Variants in ACTR3C observed in about 807,000 individuals in gnomAD.
ACTR3C encodes actin related protein 3C.
In ACTR3C, 18 loss-of-function variants were observed where a neutral mutation model predicts 26.3. The observed-to-expected ratio is 0.68, with a 90% CI of 0.47 to 1.01. The LOEUF (loss-of-function observed/expected upper bound fraction) is 1.01, where lower values mean the gene tolerates loss of function less well. ACTR3C is among the 50% of genes least tolerant of loss of function. The pLI is 0.00. For synonymous variants in ACTR3C, 55 were observed against 94.5 expected, an observed-to-expected ratio of 0.58 and a Z score of 2.42; for missense variants, 184 against 250.7, an observed-to-expected ratio of 0.73 and a Z score of 1.80.
At chr7:150,053,530 T>C in the ACTR3C span, among the ~76,000 whole-genome samples, 1 of 152,276 alleles carries the variant, frequency 6.6e-6, no homozygotes, top group Non-Finnish European at 1.5e-5. Context: ...GCTTGCGGTA[T>C]GGTCAGCCTT....
intron 3 of ACTR3C, among the ~76,000 whole-genome samples, chr7:150,292,332 C>CA (rs929531790): frequency 2.0e-5 from 3 of 151,264 alleles, no homozygotes; most frequent in South Asian, 2.1e-4. Flanking sequence ...ATACATTTTC[C>CA]AAAAAAAATG....
chr7:150,040,013 CA>C, the ACTR3C span, among the ~76,000 whole-genome samples: 18 of 138,852 alleles, frequency 1.3e-4, 2 homozygotes, highest in Non-Finnish European at 1.8e-4. Flanking sequence ...TCCCAAGAGC[CA>C]GGCGGGGAAG....
At chr7:150,050,127 G>A in the ACTR3C span, among the ~76,000 whole-genome samples, 3 of 152,038 alleles carry the variant, frequency 2.0e-5, no homozygotes, top group Non-Finnish European at 4.4e-5. Context: ...TCCTAACATG[G>A]ACATGAAAGA....
At chr7:150,125,325 A>G in the ACTR3C span, among the ~76,000 whole-genome samples, 13,311 of 151,036 alleles carry the variant, frequency 0.088, 792 homozygotes, top group Non-Finnish European at 0.12. Flanking sequence ...TTCCCTGTAG[A>G]CCCATAACAA....
the ACTR3C span, among the ~76,000 whole-genome samples, chr7:149,915,585 A>G: frequency 6.6e-6 from 1 of 151,980 alleles, no homozygotes; most frequent in Admixed American, 6.6e-5. Context: ...TTTAAAAGAA[A>G]TATTGAATAT....
chr7:150,023,848 C>A, the ACTR3C span, among the ~76,000 whole-genome samples: 8 of 136,916 alleles, frequency 5.8e-5, no homozygotes, highest in Non-Finnish European at 1.3e-4. Context: ...AAGTGAATAA[C>A]TGATGTATAA....
the ACTR3C span, among the ~76,000 whole-genome samples, chr7:150,011,898 G>A: frequency 2.6e-5 from 4 of 152,304 alleles, no homozygotes; most frequent in East Asian, 3.9e-4. Context: ...CTGTCTAGTT[G>A]GCGAGATGCA....
the ACTR3C span, among the ~76,000 whole-genome samples, chr7:150,191,008 C>G: frequency 1.3e-5 from 2 of 152,140 alleles, no homozygotes; most frequent in African/African-American, 4.8e-5. Flanking sequence ...CCCACCAGGT[C>G]CCTCCCACCA....
the ACTR3C span, among the ~76,000 whole-genome samples, chr7:149,900,832 A>T: frequency 6.6e-6 from 1 of 152,094 alleles, no homozygotes; most frequent in African/African-American, 2.4e-5. Context: ...GAGGAGTTTG[A>T]GACCAGCCTG....
the ACTR3C span, among the ~76,000 whole-genome samples, chr7:149,928,308 T>C: frequency 6.0e-5 from 9 of 150,200 alleles, no homozygotes; most frequent in South Asian, 1.9e-3. Context: ...GCGATCCTCC[T>C]GCCTCAGCCT....
At chr7:150,135,493 C>T in the ACTR3C span, among the ~76,000 whole-genome samples, 8 of 152,092 alleles carry the variant, frequency 5.3e-5, no homozygotes, top group East Asian at 1.4e-3. Flanking sequence ...ATTCAAATAG[C>T]AGATGCAGCT....
chr7:150,077,251 G>A, the ACTR3C span, among the ~76,000 whole-genome samples: 1 of 152,150 alleles, frequency 6.6e-6, no homozygotes, highest in African/African-American at 2.4e-5. Flanking sequence ...GATGCTGATT[G>A]TTATAGAGCA....
At chr7:150,040,381 G>C in the ACTR3C span, 5 of 148,230 alleles carry the variant, frequency 3.4e-5, no homozygotes, top group Admixed American at 2.0e-4. Flanking sequence ...CCAGGGCTGG[G>C]GCTGCCAGAA....
At chr7:150,034,694 C>T in the ACTR3C span, among the ~76,000 whole-genome samples, 3,033 of 151,706 alleles carry the variant, frequency 0.02, 87 homozygotes, top group African/African-American at 0.069. Flanking sequence ...AAGATTTGAA[C>T]TTTCTACTTG....
At chr7:149,907,883 A>G in the ACTR3C span, among the ~76,000 whole-genome samples, 1 of 152,178 alleles carries the variant, frequency 6.6e-6, no homozygotes, top group Non-Finnish European at 1.5e-5. Flanking sequence ...GTTCTGGGGC[A>G]TTCACATTAA....
the ACTR3C span, among the ~76,000 whole-genome samples, chr7:150,046,351 C>CCA: frequency 1.6e-5 from 1 of 60,906 alleles, no homozygotes; most frequent in Non-Finnish European, 4.4e-5. Flanking sequence ...CTCACCGCCC[C>CCA]CCCCCCCCCG....
chr7:150,173,486 G>C, the ACTR3C span, among the ~76,000 whole-genome samples: 10 of 148,058 alleles, frequency 6.8e-5, no homozygotes, highest in African/African-American at 2.4e-4. Flanking sequence ...CTGGGCCTGT[G>C]ATGGGAGGAA....
At chr7:150,036,464 TAGCCCCAGGGCTG>T in the ACTR3C span, among the ~76,000 whole-genome samples, 2 of 146,114 alleles carry the variant, frequency 1.4e-5, no homozygotes, top group Admixed American at 6.7e-5. Context: ...TCAGATCGGG[TAGCCCCAGGGCTG>T]GGGCTGCCAG....
At chr7:150,035,655 G>T in the ACTR3C span, among the ~76,000 whole-genome samples, 2 of 130,508 alleles carry the variant, frequency 1.5e-5, no homozygotes, top group Non-Finnish European at 3.5e-5. Flanking sequence ...ACTAACACTC[G>T]CAGTCCTCCA....
Sources: gnomAD v4.1 joint callset for allele counts (sites outside exome capture counted in the v4.1 genomes callset) on GRCh38, gnomAD v4.1.1 for gene constraint, MANE v1.5 for transcripts, NCBI Gene and HGNC (gene_info 2026-07-23, HGNC 2026-07-21) for gene names.